The following PIK3C3 variants were observed in gnomAD, a reference collection of about 807,000 sequenced individuals.
The protein encoded by PIK3C3 is PI3-kinase type 3.
In PIK3C3, 95 loss-of-function variants were observed where a neutral mutation model predicts 126.1. The ratio of observed to expected loss-of-function variants is 0.75; its 90% CI spans 0.64 to 0.89. The LOEUF (loss-of-function observed/expected upper bound fraction) is 0.89, where lower values mean the gene tolerates loss of function less well. Ranked by LOEUF, PIK3C3 falls within the 40% of genes least tolerant of loss-of-function variation. PIK3C3 has a pLI of 0.00. For synonymous variants in PIK3C3, 374 were observed against 360.0 expected (o/e 1.04, Z -0.44); for missense variants, 829 against 1,063.2 (o/e 0.78, Z 3.06).
intron 21 of PIK3C3, among the ~76,000 whole-genome samples, chr18:42,057,058 A>ACCC (rs34303564): frequency 5.6e-5 from 6 of 107,704 alleles, no homozygotes; most frequent in African/African-American, 2.2e-4. Context: ...ATAGAAATGA[A>ACCC]CCCCCCCCCC....
At position 42,054,148 on chromosome 18, in the gene PIK3C3, A is replaced by G. The variant is rs143158754; in HGVS notation, c.2264-3735A>G. On this transcript the variant is annotated intron_variant, in intron 21 of 24. Transcript: ENST00000262039. ...ATGGTATATATATATATATATATATATATATATATATATATATATATATAT... is the reference window on the plus strand; with the variant it reads ...ATGGTATATATATATATATATATATGTATATATATATATATATATATATAT... Among the ~76,000 whole-genome samples the G allele has an allele frequency of 8.8e-4, 17 of 19,232 alleles. 1 individual carries two copies. The highest frequency in any genetic ancestry group is 5.0e-3 in the South Asian group (5 of 992). The allele number at this position is 19,232 out of a possible 152,430, so 12.6% of individuals were successfully genotyped here. A position where few individuals can be genotyped will look rare whatever the true frequency, so the allele number is the denominator to read the frequency against.
intron 21 of PIK3C3, among the ~76,000 whole-genome samples, chr18:42,055,322 G>A (rs995904856): frequency 2.0e-5 from 3 of 152,012 alleles, no homozygotes; most frequent in African/African-American, 7.2e-5. Context: ...GAAAAATATT[G>A]CATCATTGTG....
chr18:41,962,715 A>G (rs1321589892), intron 3 of PIK3C3, 83 bp downstream of exon 3: 2 of 1,355,676 alleles, frequency 1.5e-6, no homozygotes, highest in Non-Finnish European at 2.0e-6. Context: ...AGGCTTTAAT[A>G]GTTTATGCTC....
chr18:42,028,452 G>A (rs1268307034), intron 14 of PIK3C3, among the ~76,000 whole-genome samples: 1 of 152,198 alleles, frequency 6.6e-6, no homozygotes, highest in African/African-American at 2.4e-5. Context: ...CGAAAAGAAA[G>A]CTACCACACA....
At chr18:41,968,497 A>T (rs899204903) in intron 3 of PIK3C3, among the ~76,000 whole-genome samples, 2 of 152,176 alleles carry the variant, frequency 1.3e-5, no homozygotes, top group Non-Finnish European at 2.9e-5. Context: ...CAGCTAGTCA[A>T]TGCATTTTGT....
Position 41,990,468 on chromosome 18 carries a change from C to A in PIK3C3, c.628C>A (p.Arg210=). 1 of 1,565,740 alleles carries A rather than the reference C, an allele frequency of 6.4e-7. No homozygotes were observed. Among genetic ancestry groups the A allele is most frequent in the African/African-American group, 1.4e-5 (1 of 73,242 alleles). Residue 210 remains arginine, a synonymous_variant, in exon 6 of 25, where the codon CGA becomes AGA. Coordinates refer to ENST00000262039, the MANE Select transcript of PIK3C3 (RefSeq NM_002647.4). ...EIEMINESEK[R]SSNFMYLMVE... is the part of the protein sequence containing the mutation. ...TCATTTTTTTTTTCAGAGTGAAAAACGAAGTTCTAATTTCATGTACCTGAT... is the reference window on the plus strand; with the variant it reads ...TCATTTTTTTTTTCAGAGTGAAAAAAGAAGTTCTAATTTCATGTACCTGAT...
chr18:42,071,135 A>T (rs527780441), intron 24 of PIK3C3, among the ~76,000 whole-genome samples: 1 of 152,348 alleles, frequency 6.6e-6, no homozygotes, highest in South Asian at 2.1e-4. Flanking sequence ...TGAAAATAAG[A>T]GTTAAGAACA....
chr18:42,038,621 G>A (rs1425200786), intron 17 of PIK3C3, among the ~76,000 whole-genome samples, 160 bp from the exon 18 acceptor site: 1 of 152,144 alleles, frequency 6.6e-6, no homozygotes, highest in African/African-American at 2.4e-5. Context: ...TGGGATTACA[G>A]TGGGGAACCA....
At chr18:41,981,688 G>C (rs1045950351) in intron 4 of PIK3C3, among the ~76,000 whole-genome samples, 1 of 152,000 alleles carries the variant, frequency 6.6e-6, no homozygotes, top group African/African-American at 2.4e-5. Context: ...GGCCGGGCCT[G>C]GTGGCTCACA....
intron 21 of PIK3C3, chr18:42,057,572 A>G (rs1985127787): frequency 4.3e-6 from 1 of 234,260 alleles, no homozygotes; most frequent in Non-Finnish European, 8.2e-6. Flanking sequence ...CTGATACCTT[A>G]AAAAGTTACC....
intron 21 of PIK3C3, among the ~76,000 whole-genome samples, chr18:42,051,939 C>T (rs544927697): frequency 5.0e-4 from 75 of 151,218 alleles, no homozygotes; most frequent in East Asian, 7.8e-4. Context: ...CAAACCTGCA[C>T]GTTGTGCACA....
chr18:42,047,513 T>C (rs1984611439), intron 20 of PIK3C3, among the ~76,000 whole-genome samples: 1 of 152,194 alleles, frequency 6.6e-6, no homozygotes, highest in Non-Finnish European at 1.5e-5. Flanking sequence ...GTGGCAGTTT[T>C]AGAGCAGTGC....
intron 12 of PIK3C3, among the ~76,000 whole-genome samples, chr18:42,017,077 G>T (rs1042589313): frequency 6.6e-6 from 1 of 151,988 alleles, no homozygotes; most frequent in African/African-American, 2.4e-5. Context: ...TTTTTAGAGG[G>T]TTCAGGTATC....
intron 24 of PIK3C3, among the ~76,000 whole-genome samples, chr18:42,079,483 A>G (rs1044788406): frequency 2.6e-5 from 4 of 152,212 alleles, no homozygotes; most frequent in Non-Finnish European, 1.5e-5. Flanking sequence ...AGAATTACCA[A>G]ACTATGACAC....
At chr18:41,998,648 A>G (rs565086510) in intron 9 of PIK3C3, among the ~76,000 whole-genome samples, 207 of 152,306 alleles carry the variant, frequency 1.4e-3, no homozygotes, top group Non-Finnish European at 2.0e-3. Flanking sequence ...CAAGTTTTCG[A>G]AAGGTGAGTG....
intron 8 of PIK3C3, among the ~76,000 whole-genome samples, 188 bp downstream of exon 8, chr18:41,996,182 A>G (rs537183948): frequency 1.3e-5 from 2 of 152,288 alleles, no homozygotes; most frequent in South Asian, 2.1e-4. Flanking sequence ...TAAATGTGTT[A>G]TCTCTGGAGA....
In PIK3C3 at chr18:42,035,418, A is replaced by T. The variant is rs529312960; in HGVS notation, c.1839+1461A>T. Among the ~76,000 whole-genome samples the T allele has an allele frequency of 1.1e-4, 16 of 152,278 alleles. No individual in the cohort carries two copies. The East Asian group carries it at 3.1e-3, about 29-fold the overall frequency. ...GGTTTTAAGAGTGGACTATAAGAAG[A>T]TATATCTCCCTCTATTGGTAGGTGG... On this transcript the variant is annotated intron_variant, in intron 16 of 24. Coordinates refer to ENST00000262039, the MANE Select transcript of PIK3C3 (RefSeq NM_002647.4).
At chr18:41,962,824 TAC>T (rs1422005040) in intron 3 of PIK3C3, among the ~76,000 whole-genome samples, 192 bp downstream of exon 3, 3 of 152,238 alleles carry the variant, frequency 2.0e-5, no homozygotes, top group Non-Finnish European at 4.4e-5. Context: ...GATTAGGAAA[TAC>T]AATTTATATT....
chr18:42,086,534 T>A lies in PIK3C3; in HGVS notation c.*5397T>A, dbSNP rs1986402292. 1 of 152,096 alleles carries A rather than the reference T, an allele frequency of 6.6e-6. No individual in the cohort carries two copies. The highest frequency in any genetic ancestry group is 1.5e-5 in the Non-Finnish European group (1 of 68,018). The allele number at this position is 152,096 out of a possible 1,614,324, so 9.4% of individuals were successfully genotyped here. A position where few individuals can be genotyped will look rare whatever the true frequency, so the allele number is the denominator to read the frequency against. ...CACAAAGACCTTGCTGATAAAACAGTCTGTGGTAAAGAAGCCAGCCAAAAC... is the reference window on the plus strand; with the variant it reads ...CACAAAGACCTTGCTGATAAAACAGACTGTGGTAAAGAAGCCAGCCAAAAC... On this transcript the variant is annotated 3_prime_UTR_variant, in exon 25 of 25. Transcript: ENST00000262039.
Sources: gnomAD v4.1 joint callset for allele counts (sites outside exome capture counted in the v4.1 genomes callset) on GRCh38, gnomAD v4.1.1 for gene constraint, MANE v1.5 for transcripts, NCBI Gene and HGNC (gene_info 2026-07-23, HGNC 2026-07-21) for gene names.